STOX1: variants seen among roughly 807,000 people sequenced by gnomAD.
STOX1 encodes storkhead-box protein 1.
Under a neutral mutation model 74.8 loss-of-function variants are expected in STOX1, and 57 were observed. The observed-to-expected ratio is 0.76, with a 90% CI of 0.62 to 0.95. The LOEUF is 0.95. Ranked by LOEUF, STOX1 falls within the 40% of genes least tolerant of loss-of-function variation. The pLI, the probability that STOX1 is intolerant of heterozygous loss-of-function variation, is 0.00. For missense variants in STOX1, 1,010 were observed against 1,117.0 expected (o/e 0.90, Z 1.37); for synonymous variants, 375 against 401.3 (o/e 0.93, Z 0.78).
intron 1 of STOX1, among the ~76,000 whole-genome samples, chr10:68,844,135 G>T (rs995767028): frequency 6.6e-6 from 1 of 151,386 alleles, no homozygotes; most frequent in African/African-American, 2.4e-5. Flanking sequence ...AGTCGAGATC[G>T]CGCCACTGCA....
chr10:68,828,965 GTC>G (rs1227110205), intron 1 of STOX1: 1 of 985,240 alleles, frequency 1.0e-6, no homozygotes, highest in Non-Finnish European at 1.2e-6. Flanking sequence ...CCCGTGAGTG[GTC>G]TCTGACTCTG....
chr10:68,845,327 G>A (rs1386795201), intron 1 of STOX1, among the ~76,000 whole-genome samples: 4 of 146,274 alleles, frequency 2.7e-5, no homozygotes, highest in Admixed American at 1.4e-4. Flanking sequence ...AGGCTGGAGT[G>A]CAGTGGCGCC....
intron 1 of STOX1, among the ~76,000 whole-genome samples, chr10:68,830,039 G>A (rs1354421388): frequency 2.0e-5 from 3 of 152,156 alleles, no homozygotes; most frequent in Non-Finnish European, 4.4e-5. Context: ...ACCTGGGGGC[G>A]AAATAAGAGA....
chr10:68,889,938 T>TTG lies in STOX1; in HGVS notation c.2823-2635_2823-2634dup, dbSNP rs554729021. Among the ~76,000 whole-genome samples the TTG allele has an allele frequency of 3.7e-3, 566 of 151,060 alleles. 3 individuals are homozygous for TTG. Among genetic ancestry groups the TTG allele is most frequent in the African/African-American group, 0.012 (500 of 41,164 alleles). ...GCGTGAGCCACCATGCCCAGCTATT[T>TTG]TGTGTGTGTGTGTGTGTATTTTTTT... On this transcript the variant is annotated intron_variant, in intron 3 of 3. Transcript: ENST00000298596.
chr10:68,874,268 T>A lies in STOX1; in HGVS notation c.311-7690T>A, dbSNP rs185527321. ...CTCTGAAGACCCTCACCCAACAGATTCACTGGCACATAAACCTCAGATAAG... is the reference window on the plus strand; with the variant it reads ...CTCTGAAGACCCTCACCCAACAGATACACTGGCACATAAACCTCAGATAAG... On this transcript the variant is annotated intron_variant, in intron 1 of 3. Coordinates refer to ENST00000298596, the MANE Select transcript of STOX1 (RefSeq NM_152709.5). 9.0e-4 allele frequency among the ~76,000 whole-genome samples: 137 copies of A among 152,088 alleles called. 1 individual carries two copies. The highest frequency in any genetic ancestry group is 3.2e-3 in the African/African-American group (133 of 41,474).
intron 1 of STOX1, among the ~76,000 whole-genome samples, chr10:68,861,121 C>T (rs1840256568): frequency 6.6e-6 from 1 of 152,026 alleles, no homozygotes; most frequent in African/African-American, 2.4e-5. Flanking sequence ...ATGGAGACCC[C>T]AACCCAGCAG....
intron 1 of STOX1, among the ~76,000 whole-genome samples, chr10:68,877,010 G>A (rs764482112): frequency 3.3e-5 from 5 of 152,060 alleles, no homozygotes; most frequent in Non-Finnish European, 7.4e-5. Context: ...CCCGTGTCAG[G>A]GTGCACTCAG....
At chr10:68,828,510 C>T (rs1832110112) in intron 1 of STOX1, among the ~76,000 whole-genome samples, 1 of 152,134 alleles carries the variant, frequency 6.6e-6, no homozygotes, top group Admixed American at 6.5e-5. Flanking sequence ...GTACTGGCTC[C>T]GGGCTGAGTC....
intron 1 of STOX1, among the ~76,000 whole-genome samples, chr10:68,835,980 T>A (rs545768966): frequency 6.6e-6 from 1 of 152,310 alleles, no homozygotes; most frequent in Non-Finnish European, 1.5e-5. Flanking sequence ...CAAGCAATTC[T>A]CCTGCCTCAG....
At chr10:68,873,270 T>TTTTC in intron 1 of STOX1, among the ~76,000 whole-genome samples, 1 of 149,086 alleles carries the variant, frequency 6.7e-6, no homozygotes, top group African/African-American at 2.5e-5. Context: ...TTTTTTTTTT[T>TTTTC]TTTTTTTTGA....
At chr10:68,854,295 C>A (rs968527995) in intron 1 of STOX1, among the ~76,000 whole-genome samples, 1 of 151,416 alleles carries the variant, frequency 6.6e-6, no homozygotes. Flanking sequence ...GTGCCCAGCC[C>A]GTTTTTTGTC....
At chr10:68,853,521 A>C (rs1389909446) in intron 1 of STOX1, among the ~76,000 whole-genome samples, 1 of 152,122 alleles carries the variant, frequency 6.6e-6, no homozygotes, top group African/African-American at 2.4e-5. Context: ...ATGGCCTGCA[A>C]GGGAGAAATC....
chr10:68,847,445 T>C (rs886656564), intron 1 of STOX1, among the ~76,000 whole-genome samples: 6 of 144,506 alleles, frequency 4.2e-5, no homozygotes, highest in Admixed American at 2.1e-4. Flanking sequence ...GAGATCACTG[T>C]GTTGCCCAGG....
intron 1 of STOX1, among the ~76,000 whole-genome samples, chr10:68,843,782 C>A (rs1352900887): frequency 1.3e-5 from 2 of 152,102 alleles, no homozygotes; most frequent in Non-Finnish European, 2.9e-5. Flanking sequence ...TTGTCTTGAA[C>A]TCCTTGACCT....
intron 1 of STOX1, among the ~76,000 whole-genome samples, chr10:68,863,927 T>TG (rs753325511): frequency 0.03 from 4,463 of 151,012 alleles, 96 homozygotes; most frequent in Non-Finnish European, 0.042. Flanking sequence ...CTTGTTTTTT[T>TG]TTTTTTTTTT....
chr10:68,873,587 G>A (rs1185805456), intron 1 of STOX1, among the ~76,000 whole-genome samples: 1 of 114,008 alleles, frequency 8.8e-6, no homozygotes, highest in East Asian at 2.7e-4. Context: ...TTAATCCTGA[G>A]TTTTAGAAAA....
rs56311627 is a variant in STOX1 at position 68,839,889 on chromosome 10, A to G, written c.310+11956A>G. 8.2e-3 allele frequency among the ~76,000 whole-genome samples: 1,242 copies of G among 152,262 alleles called. 12 individuals carry two copies. The highest frequency in any genetic ancestry group is 0.028 in the African/African-American group (1,178 of 41,538). On this transcript the variant is annotated intron_variant, in intron 1 of 3. Transcript: ENST00000298596. ...GACTCCGTTTCAAACAAAACAAAAC[A>G]AAACAAAACAAAAACCACACACACA... is the stretch of plus-strand genomic sequence containing the variant.
intron 1 of STOX1, among the ~76,000 whole-genome samples, chr10:68,831,335 C>T (rs183221050): frequency 6.9e-4 from 105 of 152,022 alleles, no homozygotes; most frequent in African/African-American, 2.4e-3. Context: ...GACAGGTGCC[C>T]GCCACCATGC....
chr10:68,853,266 A>G (rs1339508099), intron 1 of STOX1, among the ~76,000 whole-genome samples: 1 of 152,054 alleles, frequency 6.6e-6, no homozygotes, highest in East Asian at 1.9e-4. Flanking sequence ...CTAGGACCCA[A>G]TCCGCTGGGT....
Sources: gnomAD v4.1 joint callset for allele counts (sites outside exome capture counted in the v4.1 genomes callset) on GRCh38, gnomAD v4.1.1 for gene constraint, MANE v1.5 for transcripts, NCBI Gene and HGNC (gene_info 2026-07-23, HGNC 2026-07-21) for gene names.